The following SLC9A4 variants were observed in gnomAD, a reference collection of about 807,000 sequenced individuals.
SLC9A4 encodes the protein solute carrier family 9 member A4.
In SLC9A4, 63 loss-of-function variants were observed where a neutral mutation model predicts 67.4. That is an observed-to-expected ratio of 0.93 (90% CI 0.76 to 1.15). The LOEUF (loss-of-function observed/expected upper bound fraction) is 1.15, where lower values mean the gene tolerates loss of function less well. SLC9A4 is among the 50% of genes most tolerant of loss of function. SLC9A4 has a pLI of 0.00. For missense variants in SLC9A4, 1,089 were observed against 987.7 expected (o/e 1.10, Z -1.38); for synonymous variants, 393 against 367.2 (o/e 1.07, Z -0.80).
intron 10 of SLC9A4, 78 bp from the exon 11 acceptor site, chr2:102,526,181 T>C: frequency 6.9e-7 from 1 of 1,458,142 alleles, no homozygotes; most frequent in Non-Finnish European, 9.5e-7. Flanking sequence ...AGCCACAGTG[T>C]CTGGCCCTTT....
chr2:102,495,283 T>C (rs1221451624), intron 2 of SLC9A4, among the ~76,000 whole-genome samples: 5 of 152,082 alleles, frequency 3.3e-5, no homozygotes, highest in Non-Finnish European at 7.4e-5. Context: ...TAAAAAGTAC[T>C]CCCAAAACAG....
At chr2:102,482,884 A>G (rs915318530) in intron 2 of SLC9A4, among the ~76,000 whole-genome samples, 3 of 152,224 alleles carry the variant, frequency 2.0e-5, no homozygotes, top group Non-Finnish European at 4.4e-5. Context: ...AGTTCTTGCC[A>G]AGGCAGAGTC....
chr2:102,505,827 C>G (rs41319148), intron 4 of SLC9A4: 5,632 of 222,146 alleles, frequency 0.025, 246 homozygotes, highest in African/African-American at 0.1. Flanking sequence ...TTCCTAAGAC[C>G]AACATATCCC....
chr2:102,486,231 T>C (rs1159244720), intron 2 of SLC9A4, among the ~76,000 whole-genome samples: 1 of 152,242 alleles, frequency 6.6e-6, no homozygotes, highest in Non-Finnish European at 1.5e-5. Context: ...TTACCCTCTC[T>C]GGGCCTCAGT....
In SLC9A4 at chr2:102,533,942, C is replaced by T. The variant is rs1282343203; in HGVS notation, c.*1254C>T. The T allele has an allele frequency of 1.5e-4, 23 of 151,428 alleles. No homozygotes were observed. The East Asian group carries it at 2.1e-3, about 14-fold the overall frequency. The allele number at this position is 151,428 out of a possible 1,614,324, so 9.4% of individuals were successfully genotyped here. On this transcript the variant is annotated 3_prime_UTR_variant, in exon 12 of 12. Coordinates refer to ENST00000295269, the MANE Select transcript of SLC9A4 (RefSeq NM_001011552.4). ...AAGTCTTTGCTATTGTGAATAATGC[C>T]GCAATAAACATACGTGTGCATGTGT...
At chr2:102,494,868 T>C (rs1465893494) in intron 2 of SLC9A4, among the ~76,000 whole-genome samples, 2 of 151,994 alleles carry the variant, frequency 1.3e-5, no homozygotes, top group Non-Finnish European at 2.9e-5. Context: ...AGGCAGAAAA[T>C]GACAATTCTA....
Position 102,473,470 on chromosome 2 carries a change from C to A in SLC9A4, c.-290C>A. 7.4e-6 allele frequency: 3 copies of A among 407,814 alleles called. No individual in the cohort carries two copies. The highest frequency in any genetic ancestry group is 1.3e-5 in the Non-Finnish European group (3 of 226,508). The allele number at this position is 407,814 out of a possible 1,614,324, so 25.3% of individuals were successfully genotyped here. On this transcript the variant is annotated 5_prime_UTR_variant, in exon 1 of 12. Transcript: ENST00000295269. ...TATTTCTTTCATAAATTGCTCAAGC[C>A]ATGATTGGATGGAGGTCCTCCAGGT...
chr2:102,477,216 G>T (rs544121446), intron 1 of SLC9A4, among the ~76,000 whole-genome samples: 1 of 152,290 alleles, frequency 6.6e-6, no homozygotes, highest in East Asian at 1.9e-4. Flanking sequence ...CCAGTTCAAA[G>T]GTTGCTCCAG....
chr2:102,477,512 G>T (rs778834325), intron 1 of SLC9A4, among the ~76,000 whole-genome samples: 119 of 152,204 alleles, frequency 7.8e-4, no homozygotes, highest in Non-Finnish European at 1.4e-3. Flanking sequence ...AAATCATTCT[G>T]CCTGAGTCTG....
chr2:102,515,639 A>G (rs1179924951), intron 8 of SLC9A4, among the ~76,000 whole-genome samples: 1 of 151,946 alleles, frequency 6.6e-6, no homozygotes, highest in Non-Finnish European at 1.5e-5. Context: ...TCGATCCTCT[A>G]TTATTTAAAA....
chr2:102,511,628 T>A (rs1202296168), intron 6 of SLC9A4, among the ~76,000 whole-genome samples: 10 of 152,044 alleles, frequency 6.6e-5, no homozygotes, highest in Non-Finnish European at 1.3e-4. Context: ...CCATAAACAA[T>A]TTGGGTTAAA....
chr2:102,486,849 A>G (rs541069674), intron 2 of SLC9A4, among the ~76,000 whole-genome samples: 2 of 152,346 alleles, frequency 1.3e-5, no homozygotes, highest in East Asian at 1.9e-4. Context: ...GGTCCACACA[A>G]GAACAACCAT....
intron 9 of SLC9A4, among the ~76,000 whole-genome samples, chr2:102,522,846 C>G (rs927826257): frequency 1.2e-4 from 18 of 152,132 alleles, no homozygotes; most frequent in African/African-American, 4.1e-4. Flanking sequence ...CTTCTTGGGG[C>G]AAATTCTTGT....
At chr2:102,527,412 T>C (rs1242617429) in intron 11 of SLC9A4, among the ~76,000 whole-genome samples, 1 of 152,206 alleles carries the variant, frequency 6.6e-6, no homozygotes, top group Non-Finnish European at 1.5e-5. Context: ...CTAATACTCA[T>C]TTTTAATGAG....
chr2:102,507,012 C>T (rs1052827664), intron 4 of SLC9A4, among the ~76,000 whole-genome samples: 1 of 152,154 alleles, frequency 6.6e-6, no homozygotes, highest in Non-Finnish European at 1.5e-5. Context: ...CTCGCGAAGG[C>T]TTGCTACATA....
intron 2 of SLC9A4, among the ~76,000 whole-genome samples, chr2:102,488,193 C>T (rs902628700): frequency 6.6e-6 from 1 of 152,138 alleles, no homozygotes; most frequent in African/African-American, 2.4e-5. Flanking sequence ...CAACAACACC[C>T]GTTCATGCAT....
At chr2:102,486,788 A>C (rs775094104) in intron 2 of SLC9A4, among the ~76,000 whole-genome samples, 1 of 152,248 alleles carries the variant, frequency 6.6e-6, no homozygotes, top group Non-Finnish European at 1.5e-5. Flanking sequence ...TGCCTGGCAC[A>C]GGGCAGGTGA....
intron 4 of SLC9A4, 187 bp downstream of exon 4, chr2:102,505,658 A>T (rs1228308505): frequency 5.1e-6 from 3 of 593,936 alleles, no homozygotes; most frequent in African/African-American, 1.9e-5. Flanking sequence ...CAAAGTAATT[A>T]GTGGTTGATA....
At chr2:102,492,800 T>A (rs200245142) in intron 2 of SLC9A4, among the ~76,000 whole-genome samples, 3 of 10,254 alleles carry the variant, frequency 2.9e-4, no homozygotes, top group South Asian at 1.5e-3. Context: ...CCAGAAAATG[T>A]TTTTTTTCTT....
Sources: allele counts gnomAD v4.1 joint callset (sites outside exome capture counted in the v4.1 genomes callset), GRCh38; gene constraint gnomAD v4.1.1; transcripts MANE v1.5; gene names NCBI Gene and HGNC (gene_info 2026-07-23, HGNC 2026-07-21).